The following GPR107 variants were observed in gnomAD, a reference collection of about 807,000 sequenced individuals.
GPR107 encodes G protein-coupled receptor 107, also known as protein GPR107.
A neutral mutation model predicts 75.5 loss-of-function variants in GPR107; 31 were observed. That is an observed-to-expected ratio of 0.41 (90% CI 0.31 to 0.55). The LOEUF is 0.55. Ranked by LOEUF, GPR107 falls within the 20% of genes least tolerant of loss-of-function variation. The pLI, the probability that GPR107 is intolerant of heterozygous loss-of-function variation, is 0.26. For synonymous variants in GPR107, 267 were observed against 251.3 expected (o/e 1.06, Z -0.59); for missense variants, 572 against 665.7 (o/e 0.86, Z 1.55).
At chr9:130,079,491 T>C in intron 4 of GPR107, 139 bp from the exon 5 acceptor site, 1 of 595,254 alleles carries the variant, frequency 1.7e-6, no homozygotes, top group South Asian at 3.5e-5. Context: ...TTTTGGTATC[T>C]GTAGAATGTG....
rs1050825960 is a variant in GPR107, at chr9:130,082,909, T to G, written c.527-656T>G. Among the ~76,000 whole-genome samples, 19 of 151,740 alleles carry G rather than the reference T, an allele frequency of 1.3e-4. No homozygotes were observed. In the East Asian group the frequency reaches 3.7e-3, roughly 30 times the overall value. On this transcript the variant is annotated intron_variant, in intron 5 of 17. Coordinates refer to ENST00000347136, the MANE Select transcript of GPR107 (RefSeq NM_020960.5). Reference sequence around the variant, plus strand: ...ATTACTTGCTGTTAACTTTTTCAAGTGTGTAAATGTATCTCATGTTTTTCT... The same window carrying G: ...ATTACTTGCTGTTAACTTTTTCAAGGGTGTAAATGTATCTCATGTTTTTCT...
chr9:130,072,376 C>T (rs940121454), intron 1 of GPR107, among the ~76,000 whole-genome samples: 45 of 152,120 alleles, frequency 3.0e-4, no homozygotes, highest in Non-Finnish European at 5.7e-4. Context: ...CGTGCCACCT[C>T]GCCCAGCTAA....
At chr9:130,107,338 C>G (rs73672545) in intron 13 of GPR107, among the ~76,000 whole-genome samples, 158 bp from the exon 14 acceptor site, 1,649 of 152,152 alleles carry the variant, frequency 0.011, 31 homozygotes, top group African/African-American at 0.038. Context: ...TCAACCATTT[C>G]CCCCCCTCTA....
chr9:130,119,396 T>C (rs1831498726), intron 14 of GPR107, among the ~76,000 whole-genome samples: 1 of 152,220 alleles, frequency 6.6e-6, no homozygotes, highest in Non-Finnish European at 1.5e-5. Flanking sequence ...TATATGACAC[T>C]AACACTGTCA....
At chr9:130,071,066 C>T (rs1192282710) in intron 1 of GPR107, among the ~76,000 whole-genome samples, 1 of 119,536 alleles carries the variant, frequency 8.4e-6, no homozygotes, top group Admixed American at 1.0e-4. Flanking sequence ...GACAGAGTCA[C>T]ACTCTGTGGC....
chr9:130,072,095 A>G (rs1192367737), intron 1 of GPR107, among the ~76,000 whole-genome samples: 1 of 151,096 alleles, frequency 6.6e-6, no homozygotes, highest in South Asian at 2.1e-4. Context: ...CAGCCTACCA[A>G]GTAGCTGGGA....
chr9:130,067,811 C>A (rs1265372471), intron 1 of GPR107, among the ~76,000 whole-genome samples: 1 of 112,842 alleles, frequency 8.9e-6, no homozygotes, highest in Admixed American at 1.4e-4. Context: ...GTGGTCTAAT[C>A]TTGGCTCACT....
At chr9:130,080,011 GC>G (rs1189507744) in intron 5 of GPR107, among the ~76,000 whole-genome samples, 1 of 152,152 alleles carries the variant, frequency 6.6e-6, no homozygotes, top group Non-Finnish European at 1.5e-5. Context: ...TTTCTTATAA[GC>G]TTGTTTCATA....
chr9:130,087,315 G>A (rs1278818136), intron 7 of GPR107, among the ~76,000 whole-genome samples: 1 of 152,124 alleles, frequency 6.6e-6, no homozygotes. Flanking sequence ...CGAGATTACA[G>A]ATGTGAGCCA....
chr9:130,140,112 G>A lies in GPR107; in HGVS notation c.*4991G>A, dbSNP rs782433524. 3 of 152,076 alleles carry A rather than the reference G, an allele frequency of 2.0e-5. No individual in the cohort carries two copies. The highest frequency in any genetic ancestry group is 4.4e-5 in the Non-Finnish European group (3 of 68,014). 9.4% of individuals were successfully genotyped at this position (152,076 alleles called of 1,614,324 possible). The stretch of plus-strand genomic sequence containing the variant: ...GGATCCGATCATGGTGATGTACGGG[G>A]TGAATTCTCTTGCCGTGTTGCAAAT... On this transcript the variant is annotated 3_prime_UTR_variant, in exon 18 of 18. Transcript: ENST00000347136. The surrounding 1 kb of genome is among the most constrained non-coding windows in gnomAD (Gnocchi z 4.0).
Position 130,139,795 on chromosome 9 carries a change from G to A in GPR107, c.*4674G>A, listed in dbSNP as rs782477406. The A allele has an allele frequency of 2.0e-5, 3 of 152,266 alleles. No homozygotes were observed. Among genetic ancestry groups the A allele is most frequent in the Non-Finnish European group, 2.9e-5 (2 of 68,068 alleles). The allele number at this position is 152,266 out of a possible 1,614,324, so 9.4% of individuals were successfully genotyped here. ...AGCCTCCAGAAGGTCAGCCTTTGGA[G>A]CACGTAAGATACTGTTACAGGGTCC... is the stretch of plus-strand genomic sequence containing the variant. On this transcript the variant is annotated 3_prime_UTR_variant, in exon 18 of 18. Transcript: ENST00000347136.
At position 130,064,185 on chromosome 9, in the gene GPR107, C is replaced by CT. The variant is rs1045833413; in HGVS notation, c.141+10135dup. Among the ~76,000 whole-genome samples the CT allele has an allele frequency of 8.1e-3, 670 of 82,548 alleles. 50 individuals carry two copies. The highest frequency in any genetic ancestry group is 0.014 in the Middle Eastern group (1 of 72). The allele number at this position is 82,548 out of a possible 152,430, so 54.2% of individuals were successfully genotyped here. A position where few individuals can be genotyped will look rare whatever the true frequency, so the allele number is the denominator to read the frequency against. Reference sequence around the variant, plus strand: ...GTATCTGAACTATAAAATAGCTTTTCTTTTTTTTTTTTTTTTTTTTTTTGA... The same window carrying CT: ...GTATCTGAACTATAAAATAGCTTTTCTTTTTTTTTTTTTTTTTTTTTTTTGA... On this transcript the variant is annotated intron_variant, in intron 1 of 17. Coordinates refer to ENST00000347136, the MANE Select transcript of GPR107 (RefSeq NM_020960.5).
chr9:130,124,718 G>A (rs986993189), intron 14 of GPR107, among the ~76,000 whole-genome samples, 197 bp from the exon 15 acceptor site: 10 of 152,232 alleles, frequency 6.6e-5, no homozygotes, highest in Admixed American at 2.6e-4. Flanking sequence ...CACTGGGGCT[G>A]TGCTGCTCCC....
chr9:130,107,370 T>C, intron 13 of GPR107, 126 bp from the exon 14 acceptor site: 1 of 703,208 alleles, frequency 1.4e-6, no homozygotes, highest in South Asian at 1.5e-5. Flanking sequence ...GAGAGTGCTC[T>C]AAAGTGATGT....
intron 5 of GPR107, chr9:130,083,343 C>T (rs558732996): frequency 2.8e-5 from 10 of 351,826 alleles, no homozygotes; most frequent in Non-Finnish European, 5.1e-5. Flanking sequence ...GTTACTATTA[C>T]CGGTTACTAG....
chr9:130,096,846 G>A (rs775950563), intron 9 of GPR107, among the ~76,000 whole-genome samples: 12 of 152,190 alleles, frequency 7.9e-5, no homozygotes, highest in Non-Finnish European at 1.6e-4. Flanking sequence ...ATCTATAGAC[G>A]TTGTTGTACA....
At chr9:130,102,196 C>T (rs1831048518) in intron 12 of GPR107, among the ~76,000 whole-genome samples, 1 of 100,650 alleles carries the variant, frequency 9.9e-6, no homozygotes, top group Non-Finnish European at 2.1e-5. Flanking sequence ...ACACATGACC[C>T]TGCTGTCTGC....
chr9:130,087,968 G>A (rs146855241), intron 7 of GPR107, among the ~76,000 whole-genome samples: 54 of 152,214 alleles, frequency 3.5e-4, no homozygotes, highest in African/African-American at 1.2e-3. Flanking sequence ...CATAAGCACT[G>A]TTCTGATTTC....
In GPR107 at chr9:130,100,613, A is replaced by G; in HGVS notation, c.940-16A>G. The G allele has an allele frequency of 6.3e-7, 1 of 1,584,232 alleles. No homozygotes were observed. The highest frequency in any genetic ancestry group is 8.7e-7 in the Non-Finnish European group (1 of 1,152,754). On this transcript the variant is annotated splice_polypyrimidine_tract_variant and intron_variant, in intron 10 of 17. Coordinates refer to ENST00000347136, the MANE Select transcript of GPR107 (RefSeq NM_020960.5). ...TAGATAATGAGTGATTCTGAAATGC[A>G]GTTGTTTGATTTCAGATTGACTACC... is the stretch of plus-strand genomic sequence containing the variant.
Sources: gnomAD v4.1 joint callset for allele counts (sites outside exome capture counted in the v4.1 genomes callset) on GRCh38, gnomAD v4.1.1 for gene constraint, Gnocchi (gnomAD v3.1) non-coding constraint, MANE v1.5 for transcripts, NCBI Gene and HGNC (gene_info 2026-07-23, HGNC 2026-07-21) for gene names.